MDGA2: variants seen among roughly 807,000 people sequenced by gnomAD.
MDGA2 encodes the protein MAM domain-containing glycosylphosphatidylinositol anchor protein 2.
Under a neutral mutation model 117.8 loss-of-function variants are expected in MDGA2, and 40 were observed. The ratio of observed to expected loss-of-function variants is 0.34; its 90% CI spans 0.26 to 0.44. The LOEUF (loss-of-function observed/expected upper bound fraction) is 0.44, where lower values mean the gene tolerates loss of function less well. MDGA2 is among the 20% of genes least tolerant of loss of function. MDGA2 has a pLI of 1.00. For missense variants in MDGA2, 1,123 were observed against 1,250.6 expected (o/e 0.90, Z 1.54); for synonymous variants, 452 against 439.0 (o/e 1.03, Z -0.37).
At chr14:47,531,318 G>T (rs2138732984) in intron 1 of MDGA2, among the ~76,000 whole-genome samples, 1 of 152,156 alleles carries the variant, frequency 6.6e-6, no homozygotes, top group South Asian at 2.1e-4. Flanking sequence ...TTTGGATCTG[G>T]TATTTCTCCT....
At chr14:47,298,690 T>TC (rs1889164039) in intron 2 of MDGA2, among the ~76,000 whole-genome samples, 1 of 148,378 alleles carries the variant, frequency 6.7e-6, no homozygotes, top group Non-Finnish European at 1.5e-5. Flanking sequence ...TTTCTTTTTT[T>TC]TTTTTTTTTT....
chr14:47,314,735 A>G (rs1889752878), intron 1 of MDGA2, among the ~76,000 whole-genome samples: 1 of 152,128 alleles, frequency 6.6e-6, no homozygotes, highest in African/African-American at 2.4e-5. Context: ...AACAAGTATA[A>G]TCATTAAAGT....
At chr14:47,270,578 T>C (rs909700587) in intron 2 of MDGA2, among the ~76,000 whole-genome samples, 1 of 152,134 alleles carries the variant, frequency 6.6e-6, no homozygotes, top group Non-Finnish European at 1.5e-5. Context: ...TTGGTTTATG[T>C]GTGGCTCAAA....
chr14:47,226,044 C>T (rs968968121), intron 2 of MDGA2, among the ~76,000 whole-genome samples: 1 of 151,726 alleles, frequency 6.6e-6, no homozygotes, highest in Non-Finnish European at 1.5e-5. Flanking sequence ...AACTCCAGCC[C>T]TTGGGGAGGC....
intron 1 of MDGA2, among the ~76,000 whole-genome samples, chr14:47,325,319 A>C (rs1161974970): frequency 2.0e-5 from 3 of 152,130 alleles, no homozygotes; most frequent in Non-Finnish European, 4.4e-5. Flanking sequence ...CCATGAGGGA[A>C]TAATAACTTT....
At chr14:47,007,575 T>G (rs1167593446) in intron 8 of MDGA2, among the ~76,000 whole-genome samples, 1 of 151,850 alleles carries the variant, frequency 6.6e-6, no homozygotes, top group African/African-American at 2.4e-5. Flanking sequence ...GAACATGACC[T>G]TGCTACTTTG....
At chr14:47,612,846 T>A (rs1006227738) in intron 1 of MDGA2, among the ~76,000 whole-genome samples, 1 of 152,206 alleles carries the variant, frequency 6.6e-6, no homozygotes, top group African/African-American at 2.4e-5. Context: ...TGGTACTTAT[T>A]GATAAGGCAA....
At chr14:47,194,476 CT>C (rs1885218213) in intron 3 of MDGA2, among the ~76,000 whole-genome samples, 1 of 151,898 alleles carries the variant, frequency 6.6e-6, no homozygotes, top group African/African-American at 2.4e-5. Flanking sequence ...GTTGTTGAGC[CT>C]TTTAAAAATA....
intron 1 of MDGA2, among the ~76,000 whole-genome samples, chr14:47,461,618 G>A (rs1566468886): frequency 1.3e-5 from 2 of 151,278 alleles, no homozygotes; most frequent in African/African-American, 4.9e-5. Context: ...CAAGCCCCAA[G>A]AATACCTGTA....
chr14:47,634,443 G>A (rs1897291055), intron 1 of MDGA2, among the ~76,000 whole-genome samples: 1 of 152,000 alleles, frequency 6.6e-6, no homozygotes, highest in Non-Finnish European at 1.5e-5. Context: ...TAAATTCTGT[G>A]TAATATGCAT....
At chr14:47,481,275 T>C (rs1893949474) in intron 1 of MDGA2, among the ~76,000 whole-genome samples, 1 of 152,040 alleles carries the variant, frequency 6.6e-6, no homozygotes, top group Admixed American at 6.6e-5. Context: ...AATTTCAACT[T>C]AGAAACTTTT....
At chr14:47,519,396 G>A (rs1894822381) in intron 1 of MDGA2, among the ~76,000 whole-genome samples, 1 of 151,982 alleles carries the variant, frequency 6.6e-6, no homozygotes, top group Non-Finnish European at 1.5e-5. Flanking sequence ...CACCTGTTTT[G>A]TTTTCCCCTC....
chr14:47,363,528 G>A (rs1167413923), intron 1 of MDGA2, among the ~76,000 whole-genome samples: 1 of 152,132 alleles, frequency 6.6e-6, no homozygotes, highest in Non-Finnish European at 1.5e-5. Context: ...AAAGTACTGA[G>A]ATTACAGGAG....
intron 1 of MDGA2, among the ~76,000 whole-genome samples, chr14:47,351,585 C>A (rs1217934478): frequency 1.3e-5 from 2 of 152,164 alleles, no homozygotes; most frequent in Non-Finnish European, 2.9e-5. Flanking sequence ...AATCGTCTAT[C>A]TGGACTCTTA....
chr14:46,879,902 G>A (rs560318204), intron 11 of MDGA2, among the ~76,000 whole-genome samples: 3 of 152,150 alleles, frequency 2.0e-5, no homozygotes, highest in Non-Finnish European at 4.4e-5. Flanking sequence ...CATATTTCAC[G>A]TTTGACAGTA....
chr14:47,521,563 G>A (rs898727130), intron 1 of MDGA2, among the ~76,000 whole-genome samples: 15 of 152,176 alleles, frequency 9.9e-5, no homozygotes, highest in Non-Finnish European at 1.8e-4. Flanking sequence ...AGTAATGGTA[G>A]GAGCTCAATA....
At chr14:47,101,140 G>T (rs1169531650) in intron 5 of MDGA2, among the ~76,000 whole-genome samples, 1 of 151,640 alleles carries the variant, frequency 6.6e-6, no homozygotes, top group Non-Finnish European at 1.5e-5. Flanking sequence ...TAGATAGAAA[G>T]AAATTGGTCC....
chr14:46,873,983 T>C (rs1882123234), intron 13 of MDGA2, 62 bp downstream of exon 13: 1 of 1,296,222 alleles, frequency 7.7e-7, no homozygotes, highest in East Asian at 2.7e-5. Context: ...TAGTATTTCA[T>C]ATTTATAGCA....
intron 1 of MDGA2, among the ~76,000 whole-genome samples, chr14:47,538,836 G>A (rs531795538): frequency 2.5e-4 from 38 of 152,202 alleles, no homozygotes; most frequent in African/African-American, 6.3e-4. Flanking sequence ...TGATACACAC[G>A]TATGCATACA....
Sources: allele counts gnomAD v4.1 joint callset (sites outside exome capture counted in the v4.1 genomes callset), GRCh38; gene constraint gnomAD v4.1.1; transcripts MANE v1.5; gene names NCBI Gene and HGNC (gene_info 2026-07-23, HGNC 2026-07-21).